Variants in ALDH1A2 observed in about 807,000 individuals in gnomAD.
ALDH1A2 encodes the protein aldehyde dehydrogenase 1 family member A2.
Under a neutral mutation model 60.3 loss-of-function variants are expected in ALDH1A2, and 27 were observed. The ratio of observed to expected loss-of-function variants is 0.45; its 90% CI spans 0.33 to 0.62. ALDH1A2 has a LOEUF of 0.62. Among genes scored for constraint, ALDH1A2 ranks in the 20% least tolerant of loss-of-function variants. The pLI is 0.02. For synonymous variants in ALDH1A2, 289 were observed against 232.4 expected, an observed-to-expected ratio of 1.24 and a Z score of -2.21; for missense variants, 581 against 643.8, an observed-to-expected ratio of 0.90 and a Z score of 1.06.
intron 1 of ALDH1A2, among the ~76,000 whole-genome samples, chr15:58,062,900 T>TAA (rs1897079950): frequency 1.3e-5 from 2 of 152,230 alleles, no homozygotes. Context: ...ACCATGAGTT[T>TAA]AGCCCTTTCA....
intron 4 of ALDH1A2, among the ~76,000 whole-genome samples, chr15:57,996,141 G>A (rs768078818): frequency 2.6e-5 from 4 of 152,192 alleles, no homozygotes; most frequent in Middle Eastern, 3.4e-3. Flanking sequence ...AAATGAAGGT[G>A]GGGACAGGAG....
chr15:57,991,306 G>A (rs1595647154), intron 7 of ALDH1A2: 1 of 151,748 alleles, frequency 6.6e-6, no homozygotes. Flanking sequence ...CTCACATTTT[G>A]GTTTAAATAT....
At chr15:58,045,439 G>A (rs370360592) in intron 1 of ALDH1A2, among the ~76,000 whole-genome samples, 25 of 152,156 alleles carry the variant, frequency 1.6e-4, no homozygotes, top group Admixed American at 7.2e-4. Flanking sequence ...AAAGACACAC[G>A]CACACGTATG....
At chr15:58,060,229 A>T (rs1381553134) in intron 1 of ALDH1A2, among the ~76,000 whole-genome samples, 4 of 152,158 alleles carry the variant, frequency 2.6e-5, no homozygotes, top group Admixed American at 2.6e-4. Context: ...CCAGTTGATC[A>T]CATAATTCTG....
intron 7 of ALDH1A2, among the ~76,000 whole-genome samples, chr15:57,974,023 T>C (rs1894156719): frequency 6.6e-6 from 1 of 152,252 alleles, no homozygotes; most frequent in African/African-American, 2.4e-5. Flanking sequence ...TAGGTAGTTG[T>C]TAATGTTTTA....
At chr15:58,059,632 A>T (rs1896972663) in intron 1 of ALDH1A2, among the ~76,000 whole-genome samples, 1 of 152,196 alleles carries the variant, frequency 6.6e-6, no homozygotes, top group Non-Finnish European at 1.5e-5. Flanking sequence ...GGCTCAGCTA[A>T]TCGGGCATAT....
At position 57,954,858 on chromosome 15, in the gene ALDH1A2, G is replaced by C; in HGVS notation, c.*339C>G. 2.9e-6 allele frequency: 1 copy of C among 349,438 alleles called. No homozygotes were observed. Among genetic ancestry groups the C allele is most frequent in the East Asian group, 6.1e-5 (1 of 16,410 alleles). 21.6% of individuals were successfully genotyped at this position (349,438 alleles called of 1,614,324 possible). ...GAGAAAGGTCACCTTTCCTTGAGAG[G>C]AAAGTTCTTTGTGACAAAGACATGA... On this transcript the variant is annotated 3_prime_UTR_variant, in exon 13 of 13. Coordinates refer to ENST00000249750, the MANE Select transcript of ALDH1A2 (RefSeq NM_003888.4).
intron 1 of ALDH1A2, chr15:58,014,524 A>G (rs1170044084): frequency 1.8e-6 from 1 of 552,392 alleles, no homozygotes; most frequent in South Asian, 1.5e-5. Context: ...TCAACTAACT[A>G]AAGATACAAA....
chr15:57,973,585 G>C (rs1450555227), intron 7 of ALDH1A2, among the ~76,000 whole-genome samples: 1 of 152,154 alleles, frequency 6.6e-6, no homozygotes, highest in Non-Finnish European at 1.5e-5. Context: ...GCTGAAAAGG[G>C]GTTTGGGGAT....
chr15:58,062,082 T>C (rs543933542), intron 1 of ALDH1A2, among the ~76,000 whole-genome samples: 43 of 152,196 alleles, frequency 2.8e-4, no homozygotes, highest in African/African-American at 1.0e-3. Flanking sequence ...AAAAGACAAA[T>C]CTAGACTCAC....
At chr15:58,060,798 CCT>C (rs1241579619) in intron 1 of ALDH1A2, among the ~76,000 whole-genome samples, 1 of 152,094 alleles carries the variant, frequency 6.6e-6, no homozygotes, top group Non-Finnish European at 1.5e-5. Flanking sequence ...TTTGCTGACC[CCT>C]GATACTGTCA....
At chr15:58,059,962 G>T (rs556664494) in intron 1 of ALDH1A2, among the ~76,000 whole-genome samples, 2 of 152,052 alleles carry the variant, frequency 1.3e-5, no homozygotes. Context: ...CACTCTTGTC[G>T]CCCAGGCTGG....
intron 7 of ALDH1A2, among the ~76,000 whole-genome samples, chr15:57,982,648 C>G (rs1319098465): frequency 1.3e-5 from 2 of 152,204 alleles, no homozygotes; most frequent in African/African-American, 4.8e-5. Flanking sequence ...TGATCATTTA[C>G]TGTTCAGCTT....
At chr15:58,049,887 C>G (rs1896733151) in intron 1 of ALDH1A2, among the ~76,000 whole-genome samples, 1 of 152,004 alleles carries the variant, frequency 6.6e-6, no homozygotes. Flanking sequence ...TGTTTGGAAA[C>G]AAATGTTCCT....
intron 1 of ALDH1A2, chr15:58,058,047 T>C: frequency 1.3e-6 from 2 of 1,533,680 alleles, no homozygotes; most frequent in Non-Finnish European, 1.7e-6. Context: ...AACCAAACAG[T>C]CTCACACTGA....
intron 1 of ALDH1A2, among the ~76,000 whole-genome samples, chr15:58,044,620 T>C (rs1397226468): frequency 6.6e-6 from 1 of 152,062 alleles, no homozygotes; most frequent in Non-Finnish European, 1.5e-5. Flanking sequence ...CTGTCTGCAG[T>C]CTTCCCAGGT....
At chr15:57,995,551 T>A (rs139499002) in intron 4 of ALDH1A2, among the ~76,000 whole-genome samples, 1 of 152,208 alleles carries the variant, frequency 6.6e-6, no homozygotes, top group East Asian at 1.9e-4. Context: ...TAAAATAAAC[T>A]AAGTAAAATG....
chr15:58,031,418 G>T (rs1288616603), intron 1 of ALDH1A2, among the ~76,000 whole-genome samples: 2 of 152,102 alleles, frequency 1.3e-5, no homozygotes. Flanking sequence ...AACCCTAGAA[G>T]AAAACCTAGG....
intron 1 of ALDH1A2, among the ~76,000 whole-genome samples, chr15:58,022,292 C>A (rs1223913257): frequency 6.6e-6 from 1 of 152,182 alleles, no homozygotes; most frequent in East Asian, 1.9e-4. Context: ...GTACAGGGTA[C>A]TGAGGTTGGG....
Sources: gnomAD v4.1 joint callset for allele counts (sites outside exome capture counted in the v4.1 genomes callset) on GRCh38, gnomAD v4.1.1 for gene constraint, MANE v1.5 for transcripts, NCBI Gene and HGNC (gene_info 2026-07-23, HGNC 2026-07-21) for gene names.